The following SRRM4 variants were observed in gnomAD, a reference collection of about 807,000 sequenced individuals.
SRRM4 encodes the protein serine/arginine repetitive matrix 4.
SRRM4 carries 33 observed loss-of-function variants against 68.9 expected under a neutral mutation model. The ratio of observed to expected loss-of-function variants is 0.48; its 90% CI spans 0.36 to 0.64. The LOEUF (loss-of-function observed/expected upper bound fraction) is 0.64. Ranked by LOEUF, SRRM4 falls within the 30% of genes least tolerant of loss-of-function variation. The pLI, the probability that SRRM4 is intolerant of heterozygous loss-of-function variation, is 0.00. For synonymous variants in SRRM4, 318 were observed against 318.8 expected, an observed-to-expected ratio of 1.00 and a Z score of 0.03; for missense variants, 817 against 827.1, an observed-to-expected ratio of 0.99 and a Z score of 0.15.
In SRRM4 at chr12:119,159,467, A is replaced by G. The variant is rs941838366; in HGVS notation, c.*2669A>G. ...TCTCCTAACAGAGTGATGAGGCTTCAGTTGAGTACTTGCTGAAGTAGTTGC... is the reference window on the plus strand; with the variant it reads ...TCTCCTAACAGAGTGATGAGGCTTCGGTTGAGTACTTGCTGAAGTAGTTGC... On this transcript the variant is annotated 3_prime_UTR_variant, in exon 13 of 13. Transcript: ENST00000267260. 2.0e-5 allele frequency: 3 copies of G among 152,268 alleles called. No individual in the cohort carries two copies. The highest frequency in any genetic ancestry group is 2.9e-5 in the Non-Finnish European group (2 of 68,062). The allele number at this position is 152,268 out of a possible 1,614,324, so 9.4% of individuals were successfully genotyped here. A position where few individuals can be genotyped will look rare whatever the true frequency, so the allele number is the denominator to read the frequency against.
chr12:119,048,999 AC>A (rs1413506767), intron 1 of SRRM4, among the ~76,000 whole-genome samples: 1 of 152,216 alleles, frequency 6.6e-6, no homozygotes, highest in Non-Finnish European at 1.5e-5. Flanking sequence ...TTTATTGGAT[AC>A]CTACTGTGTG....
At chr12:118,982,241 T>C (rs892595799) in intron 1 of SRRM4, among the ~76,000 whole-genome samples, 1 of 152,114 alleles carries the variant, frequency 6.6e-6, no homozygotes, top group African/African-American at 2.4e-5. Context: ...TGGACCCCCG[T>C]AGCTCCTATT....
chr12:119,034,367 C>T (rs548840501), intron 1 of SRRM4, among the ~76,000 whole-genome samples: 11 of 152,308 alleles, frequency 7.2e-5, no homozygotes, highest in Non-Finnish European at 1.3e-4. Context: ...CTCTCAGTGG[C>T]TGGGAGGATC....
chr12:119,059,822 G>T (rs928431779), intron 1 of SRRM4, among the ~76,000 whole-genome samples: 2 of 152,148 alleles, frequency 1.3e-5, no homozygotes, highest in African/African-American at 2.4e-5. Context: ...TACCCTGTTA[G>T]CCCAGGACTA....
At chr12:119,045,668 G>A (rs776362821) in intron 1 of SRRM4, among the ~76,000 whole-genome samples, 5 of 152,092 alleles carry the variant, frequency 3.3e-5, no homozygotes, top group African/African-American at 1.2e-4. Flanking sequence ...TTATGGAACC[G>A]TAAGATGCAT....
chr12:119,043,147 C>T (rs535414264), intron 1 of SRRM4, among the ~76,000 whole-genome samples: 1 of 152,238 alleles, frequency 6.6e-6, no homozygotes, highest in Admixed American at 6.5e-5. Context: ...CCCAAATGCC[C>T]ATCAATGATA....
chr12:119,093,608 G>C (rs1282386669), intron 1 of SRRM4, among the ~76,000 whole-genome samples: 1 of 152,182 alleles, frequency 6.6e-6, no homozygotes, highest in African/African-American at 2.4e-5. Flanking sequence ...ATCCCCAGGG[G>C]ACCCTGGGCT....
intron 1 of SRRM4, among the ~76,000 whole-genome samples, chr12:119,061,535 C>T (rs1306386097): frequency 6.6e-6 from 1 of 152,150 alleles, no homozygotes; most frequent in Admixed American, 6.5e-5. Flanking sequence ...GTGTCTCTCA[C>T]TTTTACGGAA....
At chr12:119,130,628 T>A in intron 7 of SRRM4, 50 bp from the exon 8 acceptor site, 1 of 1,569,950 alleles carries the variant, frequency 6.4e-7, no homozygotes, top group Non-Finnish European at 8.6e-7. Context: ...TACATCTCCC[T>A]ACCATGCTCC....
intron 1 of SRRM4, among the ~76,000 whole-genome samples, chr12:119,053,927 G>A (rs1953760930): frequency 3.9e-5 from 6 of 152,104 alleles, no homozygotes; most frequent in Admixed American, 3.9e-4. Flanking sequence ...GTACCATTAG[G>A]TTAATATTGG....
In SRRM4 at chr12:119,092,802, C is replaced by T. The variant is rs867815187; in HGVS notation, c.132-9434C>T. ...AGAACATATCTATCCAATGAAGCCTCCAATGGCATCTCATCTCACCGAGAG... is the reference window on the plus strand; with the variant it reads ...AGAACATATCTATCCAATGAAGCCTTCAATGGCATCTCATCTCACCGAGAG... On this transcript the variant is annotated intron_variant, in intron 1 of 12. Transcript: ENST00000267260. Among the ~76,000 whole-genome samples, 7 of 152,212 alleles carry T rather than the reference C, an allele frequency of 4.6e-5. No individual in the cohort carries two copies. In the Middle Eastern group the frequency reaches 0.014, roughly 296 times the overall value.
At chr12:119,101,210 T>C (rs73213721) in intron 1 of SRRM4, among the ~76,000 whole-genome samples, 12,058 of 152,184 alleles carry the variant, frequency 0.079, 534 homozygotes, top group African/African-American at 0.1. Context: ...GGGAGGGATG[T>C]TCTCTGCGTG....
chr12:118,985,838 A>C (rs1307287787), intron 1 of SRRM4, among the ~76,000 whole-genome samples: 1 of 152,236 alleles, frequency 6.6e-6, no homozygotes, highest in Non-Finnish European at 1.5e-5. Context: ...CAATAGTAGC[A>C]GCTAAAGGCT....
chr12:119,105,849 G>T (rs1232386817), intron 2 of SRRM4, among the ~76,000 whole-genome samples: 1 of 152,092 alleles, frequency 6.6e-6, no homozygotes, highest in Non-Finnish European at 1.5e-5. Context: ...GTCAATTTTG[G>T]CTTTTGTTGC....
At chr12:119,030,403 T>C (rs1050182079) in intron 1 of SRRM4, among the ~76,000 whole-genome samples, 1 of 152,208 alleles carries the variant, frequency 6.6e-6, no homozygotes, top group Non-Finnish European at 1.5e-5. Flanking sequence ...GAGTGATTTG[T>C]GAGCAACAAG....
chr12:119,067,420 G>A (rs989013979), intron 1 of SRRM4, among the ~76,000 whole-genome samples: 3 of 152,096 alleles, frequency 2.0e-5, no homozygotes, highest in Non-Finnish European at 4.4e-5. Context: ...AAGTCAATAA[G>A]CCTTGGCAGG....
chr12:119,121,031 A>G (rs932893510), intron 5 of SRRM4, among the ~76,000 whole-genome samples: 1 of 152,222 alleles, frequency 6.6e-6, no homozygotes, highest in African/African-American at 2.4e-5. Flanking sequence ...CTGTCCACTC[A>G]GCTCTGCAGC....
At chr12:119,006,292 G>C (rs907689106) in intron 1 of SRRM4, among the ~76,000 whole-genome samples, 1 of 152,046 alleles carries the variant, frequency 6.6e-6, no homozygotes, top group African/African-American at 2.4e-5. Context: ...TCTGATGTTA[G>C]GGTGTGAGGC....
At chr12:119,103,527 C>T (rs1357522937) in intron 2 of SRRM4, among the ~76,000 whole-genome samples, 3 of 152,188 alleles carry the variant, frequency 2.0e-5, no homozygotes, top group Non-Finnish European at 4.4e-5. Context: ...GCCCTCTCAG[C>T]TACAGGCTTT....
Sources: gnomAD v4.1 joint callset for allele counts (sites outside exome capture counted in the v4.1 genomes callset) on GRCh38, gnomAD v4.1.1 for gene constraint, MANE v1.5 for transcripts, NCBI Gene and HGNC (gene_info 2026-07-23, HGNC 2026-07-21) for gene names.